The following EIF5B variants were observed in gnomAD, a reference collection of about 807,000 sequenced individuals.
EIF5B encodes the protein eIF-5B.
EIF5B carries 47 observed loss-of-function variants against 147.5 expected under a neutral mutation model. The ratio of observed to expected loss-of-function variants is 0.32; its 90% CI spans 0.25 to 0.41. The LOEUF is 0.41. Ranked by LOEUF, EIF5B falls within the 10% of genes least tolerant of loss-of-function variation. EIF5B has a pLI of 1.00. For synonymous variants in EIF5B, 455 were observed against 456.2 expected, an observed-to-expected ratio of 1.00 and a Z score of 0.03; for missense variants, 1,064 against 1,413.2, an observed-to-expected ratio of 0.75 and a Z score of 3.96.
At chr2:99,385,606 C>T (rs1296321102) in intron 14 of EIF5B, among the ~76,000 whole-genome samples, 11 of 152,156 alleles carry the variant, frequency 7.2e-5, no homozygotes, top group African/African-American at 2.7e-4. Context: ...AATGCTGTCA[C>T]ACACTTAATA....
rs764747901 is a variant in EIF5B at position 99,390,326 on chromosome 2, T to C, written c.2511T>C (p.Leu837=). The C allele has an allele frequency of 3.7e-5, 60 of 1,614,122 alleles. No homozygotes were observed. In the East Asian group the frequency reaches 1.3e-3, roughly 35 times the overall value. Residue 837 remains leucine, a synonymous_variant, in exon 16 of 24, where the codon CTT becomes CTC. Coordinates refer to ENST00000289371, the MANE Select transcript of EIF5B (RefSeq NM_015904.4). ...ATGGCATGGGAAGTCTGATCTACCT[T>C]CTTGTAGAGTTAACTCAGACCATGT... is the stretch of plus-strand genomic sequence containing the variant. ...TGDGMGSLIY[L]LVELTQTMLS... is the part of the protein sequence containing the mutation.
intron 1 of EIF5B, among the ~76,000 whole-genome samples, chr2:99,357,764 C>G (rs1242784814): frequency 2.0e-5 from 3 of 152,136 alleles, no homozygotes; most frequent in Non-Finnish European, 2.9e-5. Flanking sequence ...TGAAATGTTG[C>G]CAGAGATGCC....
In EIF5B at chr2:99,401,119, C is replaced by T; in HGVS notation, c.*1705C>T. 3.7e-6 allele frequency: 2 copies of T among 539,892 alleles called. No individual in the cohort carries two copies. The highest frequency in any genetic ancestry group is 6.9e-5 in the South Asian group (2 of 29,154). The allele number at this position is 539,892 out of a possible 1,614,324, so 33.4% of individuals were successfully genotyped here. Reference sequence around the variant, plus strand: ...ACTTTTTGAAAAGAAATGTACAAAACACTTGCTTTAAAAGAAATTTAAAAT... The same window carrying T: ...ACTTTTTGAAAAGAAATGTACAAAATACTTGCTTTAAAAGAAATTTAAAAT... On this transcript the variant is annotated 3_prime_UTR_variant, in exon 24 of 24. Transcript: ENST00000289371.
At chr2:99,361,889 C>T (rs974401156) in intron 4 of EIF5B, 69 bp downstream of exon 4, 5 of 1,401,778 alleles carry the variant, frequency 3.6e-6, no homozygotes, top group Non-Finnish European at 4.7e-6. Context: ...ATCATTGTGC[C>T]CCAAGGTCGT....
chr2:99,366,699 A>G (rs1270389632), intron 6 of EIF5B, among the ~76,000 whole-genome samples: 2 of 151,990 alleles, frequency 1.3e-5, no homozygotes, highest in Non-Finnish European at 2.9e-5. Flanking sequence ...ATCCCAGTCA[A>G]AATCACAGCA....
At chr2:99,362,417 T>C (rs897474527) in intron 4 of EIF5B, among the ~76,000 whole-genome samples, 2 of 152,104 alleles carry the variant, frequency 1.3e-5, no homozygotes, top group African/African-American at 4.8e-5. Flanking sequence ...AAAACAGTAG[T>C]TTTTGGGCTG....
chr2:99,337,471 G>T lies in EIF5B; in HGVS notation c.-84G>T. 4 of 1,546,904 alleles carry T rather than the reference G, an allele frequency of 2.6e-6. No homozygotes were observed. Among genetic ancestry groups the T allele is most frequent in the Non-Finnish European group, 2.6e-6 (3 of 1,138,112 alleles). ...GGCAGCACGAGGGGAAAAGAGCTGA[G>T]CGGAGACCAAAGTCAGCCGGGAGAC... is the stretch of plus-strand genomic sequence containing the variant. On this transcript the variant is annotated 5_prime_UTR_variant, in exon 1 of 24. Coordinates refer to ENST00000289371, the MANE Select transcript of EIF5B (RefSeq NM_015904.4).
intron 1 of EIF5B, among the ~76,000 whole-genome samples, chr2:99,341,830 T>G (rs2094260249): frequency 1.3e-5 from 2 of 152,242 alleles, no homozygotes; most frequent in African/African-American, 4.8e-5. Flanking sequence ...GCAAACATCT[T>G]CACTATTATA....
In EIF5B at chr2:99,400,747, G is replaced by A. The variant is rs1168652055; in HGVS notation, c.*1333G>A. The A allele has an allele frequency of 1.3e-5, 2 of 152,528 alleles. No homozygotes were observed. The highest frequency in any genetic ancestry group is 4.8e-5 in the African/African-American group (2 of 41,434). 9.4% of individuals were successfully genotyped at this position (152,528 alleles called of 1,614,324 possible). A position where few individuals can be genotyped will look rare whatever the true frequency, so the allele number is the denominator to read the frequency against. On this transcript the variant is annotated 3_prime_UTR_variant, in exon 24 of 24. Coordinates refer to ENST00000289371, the MANE Select transcript of EIF5B (RefSeq NM_015904.4). ...AAAGATTTTCTTAACATGCTCCTGT[G>A]TTCATGCTTGGAGACAAGAATAAGA...
At chr2:99,386,466 TGC>T (rs1271718956) in intron 14 of EIF5B, among the ~76,000 whole-genome samples, 5 of 102,354 alleles carry the variant, frequency 4.9e-5, no homozygotes, top group African/African-American at 2.3e-4. Flanking sequence ...TGTTTTGTTT[TGC>T]GTGTGTGTGT....
chr2:99,389,140 C>G (rs188166986), intron 14 of EIF5B, among the ~76,000 whole-genome samples: 1 of 152,078 alleles, frequency 6.6e-6, no homozygotes, highest in Non-Finnish European at 1.5e-5. Context: ...ATTTTGTCAC[C>G]CTAGACTCTG....
intron 1 of EIF5B, chr2:99,338,264 A>G: frequency 7.9e-7 from 1 of 1,259,308 alleles, no homozygotes; most frequent in African/African-American, 1.5e-5. Context: ...CTCCTTTCTA[A>G]CCACCTGCAA....
chr2:99,366,144 G>A (rs867924695), intron 6 of EIF5B, among the ~76,000 whole-genome samples: 2 of 152,044 alleles, frequency 1.3e-5, no homozygotes, highest in African/African-American at 4.8e-5. Context: ...ACTCATTTCA[G>A]GCAAAGAGCT....
rs60635179 is a variant in EIF5B at position 99,382,991 on chromosome 2, G to A, written c.2271+70G>A. ...TAATTTTTTGTGATTAAAAAAAGTA[G>A]TATAATTAACTTACAAGCATAGCTC... On this transcript the variant is annotated intron_variant, in intron 14 of 23. Transcript: ENST00000289371. The A allele has an allele frequency of 5.2e-4, 767 of 1,466,236 alleles. 3 individuals are homozygous for A. The African/African-American group carries it at 9.5e-3, about 18-fold the overall frequency. 90.8% of individuals were successfully genotyped at this position (1,466,236 alleles called of 1,614,324 possible).
intron 22 of EIF5B, 23 bp downstream of exon 22, chr2:99,396,921 G>A (rs1675061991): frequency 1.3e-6 from 2 of 1,582,080 alleles, no homozygotes; most frequent in South Asian, 1.2e-5. Flanking sequence ...TGTACATTCT[G>A]TGGGTCATTT....
chr2:99,351,721 G>A (rs1673969936), intron 1 of EIF5B, among the ~76,000 whole-genome samples: 1 of 151,774 alleles, frequency 6.6e-6, no homozygotes, highest in South Asian at 2.1e-4. Context: ...TTTTTGAGAC[G>A]AAGTCTCACT....
At chr2:99,338,246 C>A in intron 1 of EIF5B, 2 of 1,146,626 alleles carry the variant, frequency 1.7e-6, no homozygotes, top group South Asian at 2.6e-5. Flanking sequence ...ACCAACCAAC[C>A]GAGGTCGCTC....
intron 15 of EIF5B, 22 bp from the exon 16 acceptor site, chr2:99,390,197 T>G: frequency 1.2e-6 from 2 of 1,613,180 alleles, no homozygotes; most frequent in Non-Finnish European, 1.7e-6. Flanking sequence ...AGCCTGGCAT[T>G]TTGGATGATT....
At chr2:99,338,006 T>C (rs913421091) in intron 1 of EIF5B, among the ~76,000 whole-genome samples, 1 of 152,222 alleles carries the variant, frequency 6.6e-6, no homozygotes, top group East Asian at 1.9e-4. Flanking sequence ...AGCTTGAATG[T>C]GATGTACGGC....
Sources: allele counts gnomAD v4.1 joint callset (sites outside exome capture counted in the v4.1 genomes callset), GRCh38; gene constraint gnomAD v4.1.1; transcripts MANE v1.5; gene names NCBI Gene and HGNC (gene_info 2026-07-23, HGNC 2026-07-21).